DNAJC3: variants seen among roughly 807,000 people sequenced by gnomAD.
DNAJC3 encodes DnaJ heat shock protein family (Hsp40) member C3, also known as dnaJ homolog subfamily C member 3.
In DNAJC3, 38 loss-of-function variants were observed where a neutral mutation model predicts 68.6. The observed-to-expected ratio is 0.55, with a 90% confidence interval of 0.43 to 0.73. The LOEUF (loss-of-function observed/expected upper bound fraction) is 0.73. DNAJC3 is among the 30% of genes least tolerant of loss of function. The pLI is 0.00. For synonymous variants in DNAJC3, 203 were observed against 204.0 expected (o/e 1.00, Z 0.04); for missense variants, 526 against 591.9 (o/e 0.89, Z 1.16).
chr13:95,689,567 CT>C (rs368824543), intron 1 of DNAJC3, among the ~76,000 whole-genome samples: 1 of 149,826 alleles, frequency 6.7e-6, no homozygotes, highest in African/African-American at 2.5e-5. Context: ...GATCCTTTTT[CT>C]TTTTTTTTCT....
chr13:95,753,192 C>T (rs147690416), intron 4 of DNAJC3, among the ~76,000 whole-genome samples: 55 of 152,258 alleles, frequency 3.6e-4, no homozygotes, highest in African/African-American at 1.1e-3. Context: ...TTCTCATACT[C>T]GTTACCTCAG....
intron 7 of DNAJC3, among the ~76,000 whole-genome samples, chr13:95,762,850 T>G (rs762594228): frequency 2.0e-5 from 3 of 152,168 alleles, no homozygotes; most frequent in Admixed American, 6.5e-5. Flanking sequence ...CTCCCACTTA[T>G]GAGTGAGAAT....
Position 95,793,175 on chromosome 13 carries a change from G to A in DNAJC3, c.*2145G>A, listed in dbSNP as rs1050044159. On this transcript the variant is annotated 3_prime_UTR_variant, in exon 12 of 12. Coordinates refer to ENST00000602402, the MANE Select transcript of DNAJC3 (RefSeq NM_006260.5). Reference sequence around the variant, plus strand: ...CTTGCCTGTTTTCAGTGAAGAGAGAGAAGCAGCTCTGGTGCCACATGCCAG... The same window carrying A: ...CTTGCCTGTTTTCAGTGAAGAGAGAAAAGCAGCTCTGGTGCCACATGCCAG... The A allele has an allele frequency of 6.6e-6, 1 of 152,228 alleles. No homozygotes were observed. The highest frequency in any genetic ancestry group is 1.5e-5 in the Non-Finnish European group (1 of 68,056). The allele number at this position is 152,228 out of a possible 1,614,324, so 9.4% of individuals were successfully genotyped here.
At position 95,757,638 on chromosome 13, in the gene DNAJC3, T is replaced by C; in HGVS notation, c.394-6T>C. ...AACTCTGCTTAGTTTTTTATTTTCC[T>C]TATAGCTCAAATCTAATCCAAGTGA... On this transcript the variant is annotated splice_polypyrimidine_tract_variant and splice_region_variant and intron_variant, in intron 4 of 11. Coordinates refer to ENST00000602402, the MANE Select transcript of DNAJC3 (RefSeq NM_006260.5). The C allele has an allele frequency of 2.6e-6, 4 of 1,546,630 alleles. No homozygotes were observed. Among genetic ancestry groups the C allele is most frequent in the Non-Finnish European group, 3.5e-6 (4 of 1,132,256 alleles).
intron 1 of DNAJC3, among the ~76,000 whole-genome samples, chr13:95,708,576 A>AT (rs1238866982): frequency 6.6e-6 from 1 of 150,814 alleles, no homozygotes; most frequent in African/African-American, 2.4e-5. Flanking sequence ...TGAGTTCCTC[A>AT]TTTTTTTCAA....
intron 2 of DNAJC3, among the ~76,000 whole-genome samples, chr13:95,714,788 T>C (rs993922100): frequency 3.3e-5 from 5 of 152,260 alleles, no homozygotes; most frequent in Admixed American, 3.3e-4. Flanking sequence ...CTACTACCAT[T>C]AGAATGTTTG....
intron 4 of DNAJC3, among the ~76,000 whole-genome samples, chr13:95,743,468 TC>T (rs201600084): frequency 6.6e-6 from 1 of 152,198 alleles, no homozygotes; most frequent in East Asian, 1.9e-4. Context: ...GTTATTACCT[TC>T]TTAAGTTAGG....
At chr13:95,692,701 C>T (rs1880308039) in intron 1 of DNAJC3, 1 of 152,106 alleles carries the variant, frequency 6.6e-6, no homozygotes, top group South Asian at 2.1e-4. Flanking sequence ...AATCTGTGCT[C>T]TAACACAAAA....
intron 4 of DNAJC3, among the ~76,000 whole-genome samples, chr13:95,737,827 T>C (rs1881979288): frequency 7.5e-6 from 1 of 133,176 alleles, no homozygotes; most frequent in Admixed American, 7.6e-5. Flanking sequence ...TTTCCTTCAG[T>C]TCTGCTCTGA....
At chr13:95,691,453 G>A (rs1286354115) in intron 1 of DNAJC3, among the ~76,000 whole-genome samples, 3 of 150,792 alleles carry the variant, frequency 2.0e-5, no homozygotes, top group East Asian at 2.0e-4. Flanking sequence ...CATCTCAGAC[G>A]ATGGGCGGCC....
chr13:95,758,662 C>G (rs17882465), intron 5 of DNAJC3, among the ~76,000 whole-genome samples: 1,926 of 151,824 alleles, frequency 0.013, 50 homozygotes, highest in African/African-American at 0.045. Flanking sequence ...TGATAGGATC[C>G]AGAGAGTTCT....
chr13:95,711,933 A>G (rs557033248), intron 2 of DNAJC3, among the ~76,000 whole-genome samples: 1 of 152,234 alleles, frequency 6.6e-6, no homozygotes, highest in Non-Finnish European at 1.5e-5. Flanking sequence ...AGTCTCATGA[A>G]CATAACTACA....
At chr13:95,734,042 T>C (rs1395816221) in intron 4 of DNAJC3, among the ~76,000 whole-genome samples, 1 of 152,168 alleles carries the variant, frequency 6.6e-6, no homozygotes. Context: ...GTTCCTTTCT[T>C]TTTCTCTTAT....
At position 95,722,082 on chromosome 13, in the gene DNAJC3, A is replaced by G. The variant is rs183768109; in HGVS notation, c.194-1160A>G. Among the ~76,000 whole-genome samples the G allele has an allele frequency of 4.1e-4, 63 of 151,976 alleles. 1 individual carries two copies. The highest frequency in any genetic ancestry group is 1.4e-3 in the African/African-American group (57 of 41,286). ...GTTTTAGAATTCTTTATATGCTTCT[A>G]TTTCCAAATGCTTTTTAGAAGGATT... On this transcript the variant is annotated intron_variant, in intron 2 of 11. Transcript: ENST00000602402.
intron 1 of DNAJC3, among the ~76,000 whole-genome samples, chr13:95,696,751 G>GTT (rs1236225284): frequency 4.8e-5 from 7 of 144,530 alleles, no homozygotes; most frequent in East Asian, 2.0e-4. Context: ...TGTGTCTTGT[G>GTT]TTTTTTTTTT....
chr13:95,729,761 G>A (rs986570983), intron 4 of DNAJC3, among the ~76,000 whole-genome samples: 2 of 152,082 alleles, frequency 1.3e-5, no homozygotes, highest in African/African-American at 4.8e-5. Flanking sequence ...TATTAGTGAT[G>A]TTGAACATTT....
chr13:95,791,037 T>C lies in DNAJC3; in HGVS notation c.*7T>C, dbSNP rs754052137. On this transcript the variant is annotated 3_prime_UTR_variant, in exon 12 of 12. Coordinates refer to ENST00000602402, the MANE Select transcript of DNAJC3 (RefSeq NM_006260.5). ...TAAATTCCACTTCAATTAAACCAAC[T>C]GTTTTTCTGCTCTTCTTAATTTTTT... 1.2e-6 allele frequency: 2 copies of C among 1,613,188 alleles called. No homozygotes were observed. Among genetic ancestry groups the C allele is most frequent in the Non-Finnish European group, 1.7e-6 (2 of 1,179,746 alleles).
rs964505606 is a variant in DNAJC3, at chr13:95,736,140, G to T, written c.393+10888G>T. 4.5e-3 allele frequency among the ~76,000 whole-genome samples: 687 copies of T among 152,100 alleles called. 5 individuals are homozygous for T. The highest frequency in any genetic ancestry group is 0.016 in the African/African-American group (652 of 41,484). ...AAAGATCAGATAGTTGTAGATATGC[G>T]GCGTTATTTCTGAGGGCTCTGTTCT... On this transcript the variant is annotated intron_variant, in intron 4 of 11. Coordinates refer to ENST00000602402, the MANE Select transcript of DNAJC3 (RefSeq NM_006260.5).
intron 4 of DNAJC3, among the ~76,000 whole-genome samples, chr13:95,731,892 G>A (rs1005451098): frequency 1.3e-5 from 2 of 148,266 alleles, no homozygotes; most frequent in African/African-American, 5.1e-5. Flanking sequence ...GCATCACCAC[G>A]CCTGGCTAAT....
Sources: allele counts gnomAD v4.1 joint callset (sites outside exome capture counted in the v4.1 genomes callset), GRCh38; gene constraint gnomAD v4.1.1; transcripts MANE v1.5; gene names NCBI Gene and HGNC (gene_info 2026-07-23, HGNC 2026-07-21).